The following B3GNT5 variants were observed in gnomAD, a reference collection of about 807,000 sequenced individuals.
The protein encoded by B3GNT5 is UDP-GlcNAc:betaGal beta-1,3-N-acetylglucosaminyltransferase 5, also known as lactosylceramide 1,3-N-acetyl-beta-D-glucosaminyltransferase.
A neutral mutation model predicts 25.9 loss-of-function variants in B3GNT5; 11 were observed. The ratio of observed to expected loss-of-function variants is 0.42; its 90% CI spans 0.27 to 0.70. B3GNT5 has a LOEUF of 0.70. Among genes scored for constraint, B3GNT5 ranks in the 30% least tolerant of loss-of-function variants. The probability of loss-of-function intolerance (pLI) is 0.23; values close to 1 mark genes in which losing one functional copy is unlikely to be tolerated. For missense variants in B3GNT5, 385 were observed against 458.4 expected, an observed-to-expected ratio of 0.84 and a Z score of 1.46; for synonymous variants, 166 against 158.6, an observed-to-expected ratio of 1.05 and a Z score of -0.35.
chr3:183,262,124 C>T (rs57208842), intron 1 of B3GNT5, among the ~76,000 whole-genome samples: 1,718 of 123,924 alleles, frequency 0.014, 154 homozygotes, highest in African/African-American at 0.065. Context: ...GGATTAGTAT[C>T]GTTTTATGAT....
Position 183,273,090 on chromosome 3 carries a change from T to C in B3GNT5, c.*2155T>C. On this transcript the variant is annotated 3_prime_UTR_variant, in exon 2 of 2. Transcript: ENST00000326505. ...CTGTAAATAAAAGGGTTCCAACCTT[T>C]TAAAAAAGAAGGAAAAAACTTTTTG... 1 of 1,399,530 alleles carries C rather than the reference T, an allele frequency of 7.1e-7. No homozygotes were observed. The highest frequency in any genetic ancestry group is 9.5e-7 in the Non-Finnish European group (1 of 1,051,584). The allele number at this position is 1,399,530 out of a possible 1,614,324, so 86.7% of individuals were successfully genotyped here.
chr3:183,265,930 T>A (rs1232002833), intron 1 of B3GNT5: 2 of 152,232 alleles, frequency 1.3e-5, no homozygotes, highest in Non-Finnish European at 2.9e-5. Flanking sequence ...TAGCGTGGGA[T>A]GTTGGCTTTG....
chr3:183,264,117 CTA>C (rs1725876608), intron 1 of B3GNT5, among the ~76,000 whole-genome samples: 1 of 152,194 alleles, frequency 6.6e-6, no homozygotes, highest in African/African-American at 2.4e-5. Context: ...CCAGAAATTT[CTA>C]TGACTTCCTG....
At chr3:183,259,621 G>A (rs1020083573) in intron 1 of B3GNT5, among the ~76,000 whole-genome samples, 4 of 152,014 alleles carry the variant, frequency 2.6e-5, no homozygotes, top group African/African-American at 7.2e-5. Context: ...CTGACTCCTC[G>A]CCTTTCATTT....
In B3GNT5 at chr3:183,269,887, T is replaced by C. The variant is rs1726577156; in HGVS notation, c.89T>C (p.Phe30Ser). 1 of 1,614,084 alleles carries C rather than the reference T, an allele frequency of 6.2e-7. No homozygotes were observed. The change falls in exon 2 of 2, where the codon TTT becomes TCT. Residue 30 changes from phenylalanine (F) to serine (S), a missense_variant. Phe to Ser is a radical substitution (Grantham distance 155, BLOSUM62 -2). Coordinates refer to ENST00000326505, the MANE Select transcript of B3GNT5 (RefSeq NM_032047.5). ...FATCFLASLM[F>S]FWEPIDNHIV... The stretch of plus-strand genomic sequence containing the variant: ...ACTTGTTTTTTAGCGAGCCTCATGT[T>C]TTTTTGGGAACCAATCGATAATCAC...
intron 1 of B3GNT5, among the ~76,000 whole-genome samples, chr3:183,262,579 T>C (rs1280807863): frequency 6.6e-6 from 1 of 151,922 alleles, no homozygotes; most frequent in Non-Finnish European, 1.5e-5. Context: ...CCGATCAGTA[T>C]GTTTTATAGA....
intron 1 of B3GNT5, among the ~76,000 whole-genome samples, chr3:183,264,289 C>T (rs914384763): frequency 1.3e-5 from 2 of 152,198 alleles, no homozygotes; most frequent in Admixed American, 6.5e-5. Flanking sequence ...TCCTAGTCGT[C>T]CTCAGGCCCT....
rs765432993 is a variant in B3GNT5, at chr3:183,270,582, G to A, written c.784G>A (p.Gly262Ser). 36 of 1,614,148 alleles carry A rather than the reference G, an allele frequency of 2.2e-5. No individual in the cohort carries two copies. Among genetic ancestry groups the A allele is most frequent in the East Asian group, 8.9e-5 (4 of 44,880 alleles). Reference sequence around the variant, plus strand: ...AGCCGGAGCTGCCTATGTAATCTCCGGTGATGTAGCTGCCAAAGTCTATGA... The same window carrying A: ...AGCCGGAGCTGCCTATGTAATCTCCAGTGATGTAGCTGCCAAAGTCTATGA... ...YTAGAAYVIS[G>S]DVAAKVYEAS... The change falls in exon 2 of 2, where the codon GGT becomes AGT. Residue 262 changes from glycine (G) to serine (S), a missense_variant. Coordinates refer to ENST00000326505, the MANE Select transcript of B3GNT5 (RefSeq NM_032047.5). This position sits in a 1 kb window ranked among gnomAD's most constrained non-coding sequence, Gnocchi z 4.5.
chr3:183,270,186 G>C lies in B3GNT5; in HGVS notation c.388G>C (p.Ala130Pro). 1 of 1,614,200 alleles carries C rather than the reference G, an allele frequency of 6.2e-7. No homozygotes were observed. Among genetic ancestry groups the C allele is most frequent in the African/African-American group, 1.3e-5 (1 of 75,046 alleles). Residue 130 changes from alanine (A) to proline (P), a missense_variant, in exon 2 of 2, where the codon GCC (alanine) becomes CCC (proline). Coordinates refer to ENST00000326505, the MANE Select transcript of B3GNT5 (RefSeq NM_032047.5). The surrounding 1 kb of genome is among the most constrained non-coding windows in gnomAD (Gnocchi z 4.5). The stretch of plus-strand genomic sequence containing the variant: ...GAATGCCAACATCAAAACTCTGTTT[G>C]CCTTAGGAACTCCTAATCCACTGGA... ...QLNANIKTLF[A>P]LGTPNPLEGE... is the part of the protein sequence containing the mutation.
At position 183,267,214 on chromosome 3, in the gene B3GNT5, A is replaced by G. The variant is rs533583803; in HGVS notation, c.-301-2284A>G. On this transcript the variant is annotated intron_variant, in intron 1 of 1. Transcript: ENST00000326505. The surrounding 1 kb of genome is among the most constrained non-coding windows in gnomAD (Gnocchi z 5.5). Reference sequence around the variant, plus strand: ...ACTACTCTCAGTACACTCTGTATTTAAAAAAAAAAATGCTGGTTGTGGCTT... The same window carrying G: ...ACTACTCTCAGTACACTCTGTATTTGAAAAAAAAAATGCTGGTTGTGGCTT... Among the ~76,000 whole-genome samples, 8 of 141,418 alleles carry G rather than the reference A, an allele frequency of 5.7e-5. No individual in the cohort carries two copies. The South Asian group carries it at 1.5e-3, about 26-fold the overall frequency. 92.8% of individuals were successfully genotyped at this position (141,418 alleles called of 152,430 possible). A position where few individuals can be genotyped will look rare whatever the true frequency, so the allele number is the denominator to read the frequency against.
At chr3:183,257,810 C>T (rs908793444) in intron 1 of B3GNT5, among the ~76,000 whole-genome samples, 8 of 151,942 alleles carry the variant, frequency 5.3e-5, no homozygotes, top group African/African-American at 7.3e-5. Context: ...TCCTTTTTTC[C>T]GTTTTTTCCC....
Position 183,256,422 on chromosome 3 carries a change from CTT to C in B3GNT5, c.-302+2951_-302+2952del, listed in dbSNP as rs575515987. On this transcript the variant is annotated intron_variant, in intron 1 of 1. Coordinates refer to ENST00000326505, the MANE Select transcript of B3GNT5 (RefSeq NM_032047.5). ...ATCTTTATATTTAAAGGATAAGAAA[CTT>C]GATCAGGTGAGATACAAGATTTGAA... 3.3e-3 allele frequency among the ~76,000 whole-genome samples: 495 copies of C among 152,232 alleles called. 5 individuals are homozygous for C. In the Middle Eastern group the frequency reaches 0.034, roughly 10 times the overall value.
At chr3:183,258,261 C>G (rs1464269664) in intron 1 of B3GNT5, 1 of 153,114 alleles carries the variant, frequency 6.5e-6, no homozygotes, top group East Asian at 1.9e-4. Context: ...CCACCGCACC[C>G]GGCCCACTTC....
intron 1 of B3GNT5, chr3:183,265,269 C>T (rs977232835): frequency 6.6e-6 from 1 of 152,264 alleles, no homozygotes; most frequent in Non-Finnish European, 1.5e-5. Context: ...GTTGATTGGC[C>T]ACTGACCCGT....
At chr3:183,266,782 G>A (rs1455810771) in intron 1 of B3GNT5, among the ~76,000 whole-genome samples, 1 of 150,776 alleles carries the variant, frequency 6.6e-6, no homozygotes, top group Non-Finnish European at 1.5e-5. Flanking sequence ...TTAGAGCAGT[G>A]TTTCAGTCTT....
Position 183,273,129 on chromosome 3 carries a change from G to T in B3GNT5, c.*2194G>T. ...AAAAACTTTTTGGTGCTCCAGTGTA[G>T]GGCTATCTTTTTAAAAAATGTCAAC... On this transcript the variant is annotated 3_prime_UTR_variant, in exon 2 of 2. Transcript: ENST00000326505. 1 of 787,760 alleles carries T rather than the reference G, an allele frequency of 1.3e-6. No individual in the cohort carries two copies. Among genetic ancestry groups the T allele is most frequent in the Non-Finnish European group, 1.9e-6 (1 of 519,632 alleles). The allele number at this position is 787,760 out of a possible 1,614,324, so 48.8% of individuals were successfully genotyped here. A position where few individuals can be genotyped will look rare whatever the true frequency, so the allele number is the denominator to read the frequency against.
rs1393335629 is a variant in B3GNT5 at position 183,273,087 on chromosome 3, C to A, written c.*2152C>A. Reference sequence around the variant, plus strand: ...TATCTGTAAATAAAAGGGTTCCAACCTTTTAAAAAAGAAGGAAAAAACTTT... The same window carrying A: ...TATCTGTAAATAAAAGGGTTCCAACATTTTAAAAAAGAAGGAAAAAACTTT... On this transcript the variant is annotated 3_prime_UTR_variant, in exon 2 of 2. Coordinates refer to ENST00000326505, the MANE Select transcript of B3GNT5 (RefSeq NM_032047.5). 36 of 1,410,798 alleles carry A rather than the reference C, an allele frequency of 2.6e-5. No homozygotes were observed. The highest frequency in any genetic ancestry group is 3.3e-5 in the Non-Finnish European group (35 of 1,059,294). The allele number at this position is 1,410,798 out of a possible 1,614,324, so 87.4% of individuals were successfully genotyped here. A position where few individuals can be genotyped will look rare whatever the true frequency, so the allele number is the denominator to read the frequency against.
chr3:183,262,416 G>A (rs906001860), intron 1 of B3GNT5, among the ~76,000 whole-genome samples: 3 of 152,058 alleles, frequency 2.0e-5, no homozygotes, highest in African/African-American at 7.2e-5. Context: ...TTGGTTTACC[G>A]TTTTGACATT....
In B3GNT5 at chr3:183,270,489, A is replaced by C; in HGVS notation, c.691A>C (p.Arg231=). 6.2e-7 allele frequency: 1 copy of C among 1,614,194 alleles called. No individual in the cohort carries two copies. Among genetic ancestry groups the C allele is most frequent in the Non-Finnish European group, 8.5e-7 (1 of 1,180,030 alleles). The part of the protein sequence containing the change: ...GRVHRGAPPI[R]DKSSKYYVSY... The stretch of plus-strand genomic sequence containing the variant: ...TGTTCATCGTGGTGCCCCTCCCATT[A>C]GAGATAAAAGCAGCAAATACTACGT... The change falls in exon 2 of 2, where the codon AGA becomes CGA. Residue 231 remains arginine, a synonymous_variant. Transcript: ENST00000326505. The surrounding 1 kb of genome is among the most constrained non-coding windows in gnomAD (Gnocchi z 4.5).
Sources: gnomAD v4.1 joint callset for allele counts (sites outside exome capture counted in the v4.1 genomes callset) on GRCh38, gnomAD v4.1.1 for gene constraint, Gnocchi (gnomAD v3.1) non-coding constraint, MANE v1.5 for transcripts, NCBI Gene and HGNC (gene_info 2026-07-23, HGNC 2026-07-21) for gene names.